Variants in UNC5D observed in about 807,000 individuals in gnomAD.
UNC5D encodes the protein netrin receptor UNC5D.
A neutral mutation model predicts 105.4 loss-of-function variants in UNC5D; 39 were observed. The observed-to-expected ratio is 0.37, with a 90% CI of 0.29 to 0.48. The LOEUF (loss-of-function observed/expected upper bound fraction) is 0.48. Among genes scored for constraint, UNC5D ranks in the 20% least tolerant of loss-of-function variants. The probability of loss-of-function intolerance (pLI) is 0.98; values close to 1 mark genes in which losing one functional copy is unlikely to be tolerated. For missense variants in UNC5D, 991 were observed against 1,202.4 expected, an observed-to-expected ratio of 0.82 and a Z score of 2.60; for synonymous variants, 452 against 450.4, an observed-to-expected ratio of 1.00 and a Z score of -0.04.
chr8:35,573,354 G>A (rs964661591), intron 3 of UNC5D, among the ~76,000 whole-genome samples: 2 of 152,104 alleles, frequency 1.3e-5, no homozygotes, highest in Non-Finnish European at 2.9e-5. Context: ...GAGGCAGGAG[G>A]ATCACTTGAG....
chr8:35,293,048 G>GA (rs1807196356), intron 1 of UNC5D, among the ~76,000 whole-genome samples: 1 of 151,964 alleles, frequency 6.6e-6, no homozygotes, highest in South Asian at 2.1e-4. Flanking sequence ...AAATCATAAG[G>GA]AAAATAAAAT....
At chr8:35,403,048 A>G (rs567587140) in intron 1 of UNC5D, among the ~76,000 whole-genome samples, 2 of 152,320 alleles carry the variant, frequency 1.3e-5, no homozygotes, top group South Asian at 2.1e-4. Context: ...TCTGGGAGTC[A>G]GGGAATACAT....
chr8:35,738,416 T>C (rs1317443283), intron 11 of UNC5D, among the ~76,000 whole-genome samples: 2 of 152,240 alleles, frequency 1.3e-5, no homozygotes, highest in Non-Finnish European at 2.9e-5. Flanking sequence ...GTCTTACTTT[T>C]TTAATTACAT....
At chr8:35,749,786 T>G (rs1420744718) in intron 12 of UNC5D, among the ~76,000 whole-genome samples, 3 of 152,168 alleles carry the variant, frequency 2.0e-5, no homozygotes, top group African/African-American at 4.8e-5. Flanking sequence ...TATACACAGA[T>G]GGTGTTATAT....
At chr8:35,320,621 C>T (rs1809669380) in intron 1 of UNC5D, among the ~76,000 whole-genome samples, 1 of 152,090 alleles carries the variant, frequency 6.6e-6, no homozygotes, top group African/African-American at 2.4e-5. Context: ...TGATGCTGTA[C>T]TAGTGTCAGG....
At chr8:35,521,786 A>G (rs1184302785) in intron 1 of UNC5D, among the ~76,000 whole-genome samples, 2 of 152,146 alleles carry the variant, frequency 1.3e-5, no homozygotes, top group Non-Finnish European at 2.9e-5. Context: ...TTGTGTTTCT[A>G]TTTTTAGATA....
chr8:35,454,005 T>C (rs564373077), intron 1 of UNC5D, among the ~76,000 whole-genome samples: 17 of 152,344 alleles, frequency 1.1e-4, no homozygotes, highest in Admixed American at 6.5e-4. Flanking sequence ...AAAATATTAA[T>C]ACAAGACTTG....
At chr8:35,645,875 C>G (rs1045147530) in intron 4 of UNC5D, among the ~76,000 whole-genome samples, 2 of 151,978 alleles carry the variant, frequency 1.3e-5, no homozygotes, top group African/African-American at 4.8e-5. Flanking sequence ...TCTTGAGCTC[C>G]TGGTCCTTGA....
intron 1 of UNC5D, among the ~76,000 whole-genome samples, chr8:35,400,195 T>TTG (rs896308300): frequency 1.3e-5 from 2 of 152,124 alleles, no homozygotes; most frequent in African/African-American, 2.4e-5. Flanking sequence ...ATACATGTCT[T>TTG]TGTAGTGTAA....
intron 1 of UNC5D, among the ~76,000 whole-genome samples, chr8:35,258,983 G>A (rs1023420473): frequency 1.3e-5 from 2 of 152,292 alleles, no homozygotes; most frequent in African/African-American, 2.4e-5. Flanking sequence ...CCGTTATCTG[G>A]AGAAGTACTC....
At chr8:35,487,039 T>C (rs746559443) in intron 1 of UNC5D, among the ~76,000 whole-genome samples, 3 of 152,082 alleles carry the variant, frequency 2.0e-5, no homozygotes, top group Admixed American at 6.6e-5. Context: ...ATAACTAAGA[T>C]TTGCTAGATA....
intron 4 of UNC5D, among the ~76,000 whole-genome samples, chr8:35,677,921 T>C (rs1825372911): frequency 6.6e-6 from 1 of 151,660 alleles, no homozygotes; most frequent in South Asian, 2.1e-4. Flanking sequence ...TGTGTGTGTA[T>C]GTATATGTGT....
intron 1 of UNC5D, among the ~76,000 whole-genome samples, chr8:35,528,528 G>T (rs1486705531): frequency 1.4e-5 from 2 of 146,320 alleles, no homozygotes; most frequent in African/African-American, 5.1e-5. Context: ...TGTCTTTATA[G>T]CAGCATGATT....
At chr8:35,535,417 T>C (rs1814760317) in intron 1 of UNC5D, among the ~76,000 whole-genome samples, 1 of 151,414 alleles carries the variant, frequency 6.6e-6, no homozygotes, top group Non-Finnish European at 1.5e-5. Context: ...AATAGGCTTT[T>C]TGTTGTTGTT....
chr8:35,364,214 T>C (rs750250420), intron 1 of UNC5D, among the ~76,000 whole-genome samples: 1 of 151,910 alleles, frequency 6.6e-6, no homozygotes, highest in Non-Finnish European at 1.5e-5. Flanking sequence ...ATTCTTTCTA[T>C]ATTTGTCACT....
Position 35,774,387 on chromosome 8 carries a change from C to A in UNC5D, c.2567C>A (p.Ser856Tyr). 6.2e-7 allele frequency: 1 copy of A among 1,614,126 alleles called. No individual in the cohort carries two copies. Among genetic ancestry groups the A allele is most frequent in the Non-Finnish European group, 8.5e-7 (1 of 1,180,012 alleles). ...TGPKAFKIPY[S>Y]IRQRICATFD... ...CCCAAAGCCTTCAAAATTCCCTACT[C>A]CATCAGACAGCGGATTTGTGCTACA... Residue 856 changes from serine to tyrosine, a missense_variant, in exon 16 of 17, where the codon TCC becomes TAC. Transcript: ENST00000404895.
At chr8:35,449,554 C>T (rs1030685471) in intron 1 of UNC5D, among the ~76,000 whole-genome samples, 1 of 152,116 alleles carries the variant, frequency 6.6e-6, no homozygotes, top group Non-Finnish European at 1.5e-5. Flanking sequence ...TAAGCCAAAA[C>T]AATAAGCACA....
chr8:35,669,736 ATCTC>A (rs1310999773), intron 4 of UNC5D, among the ~76,000 whole-genome samples: 1 of 152,114 alleles, frequency 6.6e-6, no homozygotes, highest in African/African-American at 2.4e-5. Flanking sequence ...TTTTCAGTGA[ATCTC>A]TATTTCTCAG....
intron 1 of UNC5D, among the ~76,000 whole-genome samples, chr8:35,446,254 T>C (rs1337873236): frequency 6.6e-6 from 1 of 152,028 alleles, no homozygotes; most frequent in East Asian, 1.9e-4. Context: ...ATGTTTTATT[T>C]GTATGTGGGA....
Sources: allele counts gnomAD v4.1 joint callset (sites outside exome capture counted in the v4.1 genomes callset), GRCh38; gene constraint gnomAD v4.1.1; transcripts MANE v1.5; gene names NCBI Gene and HGNC (gene_info 2026-07-23, HGNC 2026-07-21).